Variants in WWOX observed in about 807,000 individuals in gnomAD.
WWOX encodes WW domain containing oxidoreductase.
In WWOX, 69 loss-of-function variants were observed where a neutral mutation model predicts 46.2. The ratio of observed to expected loss-of-function variants is 1.49; its 90% CI spans 1.23 to 1.82. The LOEUF is 1.82. Among genes scored for constraint, WWOX ranks in the 40% most tolerant of loss-of-function variants. The probability of loss-of-function intolerance (pLI) is 0.00; values close to 1 mark genes in which losing one functional copy is unlikely to be tolerated. For synonymous variants in WWOX, 359 were observed against 202.6 expected, an observed-to-expected ratio of 1.77 and a Z score of -6.56; for missense variants, 919 against 542.6, an observed-to-expected ratio of 1.69 and a Z score of -6.89.
At chr16:78,578,794 G>A (rs1442376404) in intron 8 of WWOX, among the ~76,000 whole-genome samples, 2 of 152,144 alleles carry the variant, frequency 1.3e-5, no homozygotes, top group South Asian at 2.1e-4. Flanking sequence ...GGTTTCCTGC[G>A]CGGCTTCCAG....
Position 78,678,142 on chromosome 16 carries a change from T to C in WWOX, c.1056+245390T>C, listed in dbSNP as rs2251320. On this transcript the variant is annotated intron_variant, in intron 8 of 8. Transcript: ENST00000566780. Reference sequence around the variant, plus strand: ...GAGTGAATGAAGGCTTAAGGTTTTGTCTGCCTTGGTCTCTCCTGGGTCCTG... The same window carrying C: ...GAGTGAATGAAGGCTTAAGGTTTTGCCTGCCTTGGTCTCTCCTGGGTCCTG... 8.5e-3 allele frequency among the ~76,000 whole-genome samples: 1,299 copies of C among 152,352 alleles called. 17 individuals are homozygous for C. Among genetic ancestry groups the C allele is most frequent in the Non-Finnish European group, 0.014 (946 of 68,040 alleles).
intron 8 of WWOX, among the ~76,000 whole-genome samples, chr16:78,909,256 G>A (rs796917579): frequency 4.0e-5 from 6 of 151,744 alleles, no homozygotes; most frequent in African/African-American, 1.4e-4. Context: ...TGATTATTTT[G>A]TACAGTCAAC....
chr16:78,532,157 G>T (rs1290922702), intron 8 of WWOX, among the ~76,000 whole-genome samples: 2 of 151,768 alleles, frequency 1.3e-5, no homozygotes, highest in East Asian at 3.9e-4. Flanking sequence ...GAGACATTCA[G>T]CAGTCTGCCT....
chr16:78,897,935 G>C (rs2044739824), intron 8 of WWOX: 1 of 151,882 alleles, frequency 6.6e-6, no homozygotes, highest in African/African-American at 2.4e-5. Flanking sequence ...CTCTTTTTAT[G>C]AACTCATTGG....
chr16:78,591,533 T>C (rs190968799), intron 8 of WWOX, among the ~76,000 whole-genome samples: 1 of 152,316 alleles, frequency 6.6e-6, no homozygotes, highest in Admixed American at 6.5e-5. Flanking sequence ...TGTGGGGTGG[T>C]AGACAGATAA....
chr16:78,987,124 G>C (rs973242891), intron 8 of WWOX, among the ~76,000 whole-genome samples: 21 of 152,162 alleles, frequency 1.4e-4, no homozygotes, highest in African/African-American at 4.8e-4. Flanking sequence ...AGCAGTATAG[G>C]ACTCCAATAT....
intron 5 of WWOX, among the ~76,000 whole-genome samples, chr16:78,365,008 A>C (rs1025217506): frequency 1.3e-5 from 2 of 152,122 alleles, no homozygotes; most frequent in African/African-American, 4.8e-5. Context: ...TCTGTGTACT[A>C]TGGGTTGAGC....
intron 8 of WWOX, among the ~76,000 whole-genome samples, chr16:78,493,034 G>T (rs1478573231): frequency 6.6e-6 from 1 of 152,148 alleles, no homozygotes; most frequent in Non-Finnish European, 1.5e-5. Context: ...ACGTTTTGAT[G>T]AAAACAGCAT....
At chr16:78,627,730 C>T (rs2151653992) in intron 8 of WWOX, among the ~76,000 whole-genome samples, 1 of 152,302 alleles carries the variant, frequency 6.6e-6, no homozygotes, top group South Asian at 2.1e-4. Context: ...AACATGGAGG[C>T]ACCTATGTTA....
At chr16:78,518,539 A>G (rs2151495229) in intron 8 of WWOX, among the ~76,000 whole-genome samples, 1 of 152,340 alleles carries the variant, frequency 6.6e-6, no homozygotes, top group South Asian at 2.1e-4. Context: ...TTATCTTTAT[A>G]TAACATACTC....
chr16:78,649,320 G>A (rs554448132), intron 8 of WWOX, among the ~76,000 whole-genome samples: 1 of 151,838 alleles, frequency 6.6e-6, no homozygotes, highest in East Asian at 1.9e-4. Flanking sequence ...GTTTCACACT[G>A]TTTACCAGAT....
intron 8 of WWOX, among the ~76,000 whole-genome samples, chr16:79,131,585 T>G (rs2049879585): frequency 1.3e-5 from 2 of 152,152 alleles, no homozygotes; most frequent in Admixed American, 1.3e-4. Context: ...GATGGTGTAT[T>G]AAGTGATAAC....
At chr16:78,556,720 T>C (rs2044306442) in intron 8 of WWOX, among the ~76,000 whole-genome samples, 1 of 152,164 alleles carries the variant, frequency 6.6e-6, no homozygotes. Context: ...TTATTTATTT[T>C]ATTTTTATTT....
chr16:78,678,921 A>C (rs1261777763), intron 8 of WWOX, among the ~76,000 whole-genome samples: 1 of 152,116 alleles, frequency 6.6e-6, no homozygotes, highest in Non-Finnish European at 1.5e-5. Context: ...CTGGCACCGC[A>C]CACTTTGTTC....
chr16:78,919,538 T>TGAGGGA (rs2045329744), intron 8 of WWOX, among the ~76,000 whole-genome samples: 1 of 128,546 alleles, frequency 7.8e-6, no homozygotes, highest in African/African-American at 2.8e-5. Flanking sequence ...TTTTTTTTTT[T>TGAGGGA]GAGGGAGTCT....
chr16:79,093,515 A>C (rs1196103090), intron 8 of WWOX, among the ~76,000 whole-genome samples: 1 of 152,036 alleles, frequency 6.6e-6, no homozygotes, highest in Non-Finnish European at 1.5e-5. Flanking sequence ...TTATTAAATG[A>C]AAAAGAGTCA....
At chr16:78,341,289 A>G (rs914038303) in intron 5 of WWOX, among the ~76,000 whole-genome samples, 1 of 120,216 alleles carries the variant, frequency 8.3e-6, no homozygotes, top group Admixed American at 8.1e-5. Flanking sequence ...ATAGGCATGA[A>G]TCGCTGTGCC....
intron 5 of WWOX, among the ~76,000 whole-genome samples, chr16:78,198,562 A>G (rs1380097629): frequency 2.6e-5 from 4 of 152,022 alleles, no homozygotes; most frequent in Non-Finnish European, 5.9e-5. Flanking sequence ...CTTCTAGGAG[A>G]AATTTCTGTT....
At chr16:78,461,552 T>A (rs1334726792) in intron 8 of WWOX, among the ~76,000 whole-genome samples, 2 of 152,212 alleles carry the variant, frequency 1.3e-5, no homozygotes, top group East Asian at 3.9e-4. Flanking sequence ...GATCCCCATG[T>A]GTGTATGTCT....
Sources: gnomAD v4.1 joint callset for allele counts (sites outside exome capture counted in the v4.1 genomes callset) on GRCh38, gnomAD v4.1.1 for gene constraint, MANE v1.5 for transcripts, NCBI Gene and HGNC (gene_info 2026-07-23, HGNC 2026-07-21) for gene names.